Variants in ADGRL3 observed in about 807,000 individuals in gnomAD.
ADGRL3 encodes the protein calcium-independent alpha-latrotoxin receptor 3.
Under a neutral mutation model 153.5 loss-of-function variants are expected in ADGRL3, and 62 were observed. That is an observed-to-expected ratio of 0.40 (90% CI 0.33 to 0.50). The LOEUF (loss-of-function observed/expected upper bound fraction) is 0.50. Ranked by LOEUF, ADGRL3 falls within the 20% of genes least tolerant of loss-of-function variation. ADGRL3 has a pLI of 0.47. For synonymous variants in ADGRL3, 710 were observed against 672.5 expected, an observed-to-expected ratio of 1.06 and a Z score of -0.86; for missense variants, 1,641 against 1,859.4, an observed-to-expected ratio of 0.88 and a Z score of 2.16.
At chr4:61,597,484 A>G (rs2098993738) in intron 5 of ADGRL3, among the ~76,000 whole-genome samples, 1 of 152,112 alleles carries the variant, frequency 6.6e-6, no homozygotes, top group South Asian at 2.1e-4. Flanking sequence ...ATTACATATT[A>G]ATGTTCTCCT....
chr4:61,892,487 TGG>T (rs2098595854), intron 9 of ADGRL3, among the ~76,000 whole-genome samples, 167 bp from the exon 10 acceptor site: 1 of 152,162 alleles, frequency 6.6e-6, no homozygotes, highest in Admixed American at 6.5e-5. Flanking sequence ...CCTGATACCT[TGG>T]TATTGGCTTA....
At chr4:61,937,417 A>G (rs1431383324) in intron 15 of ADGRL3, among the ~76,000 whole-genome samples, 1 of 138,858 alleles carries the variant, frequency 7.2e-6, no homozygotes. Context: ...TTTTTTTTGC[A>G]TTTTTTTAAA....
intron 1 of ADGRL3, among the ~76,000 whole-genome samples, chr4:61,382,166 G>C (rs925531221): frequency 6.6e-6 from 1 of 151,742 alleles, no homozygotes; most frequent in South Asian, 2.1e-4. Context: ...TTCTAGAATA[G>C]ATAATGGATT....
chr4:61,704,284 G>A (rs111940235), intron 6 of ADGRL3, among the ~76,000 whole-genome samples: 33 of 152,060 alleles, frequency 2.2e-4, no homozygotes, highest in African/African-American at 7.5e-4. Context: ...AGATATTGCT[G>A]GTTTAGTTCC....
intron 4 of ADGRL3, among the ~76,000 whole-genome samples, chr4:61,581,438 A>C (rs1474008299): frequency 2.0e-5 from 3 of 152,066 alleles, no homozygotes; most frequent in Admixed American, 6.6e-5. Context: ...TAGAATCAAA[A>C]TGCGCATGCC....
chr4:61,361,596 G>A (rs550797226), intron 1 of ADGRL3, among the ~76,000 whole-genome samples: 14 of 152,216 alleles, frequency 9.2e-5, no homozygotes, highest in African/African-American at 2.4e-4. Context: ...CCACTTTCAC[G>A]ATATTGTGAA....
At chr4:61,581,148 G>A (rs546864923) in intron 4 of ADGRL3, among the ~76,000 whole-genome samples, 1 of 152,152 alleles carries the variant, frequency 6.6e-6, no homozygotes, top group East Asian at 1.9e-4. Flanking sequence ...AGAATAGACA[G>A]TACACCCTGA....
intron 4 of ADGRL3, among the ~76,000 whole-genome samples, chr4:61,550,925 A>C (rs935024093): frequency 6.6e-6 from 1 of 152,126 alleles, no homozygotes; most frequent in Admixed American, 6.6e-5. Context: ...TAATTCCTAC[A>C]TATCTCACTA....
At chr4:61,230,955 G>C (rs567916589) in intron 1 of ADGRL3, among the ~76,000 whole-genome samples, 1 of 152,138 alleles carries the variant, frequency 6.6e-6, no homozygotes, top group Non-Finnish European at 1.5e-5. Flanking sequence ...TTTTTGTCCC[G>C]TGCAAGCATC....
At chr4:61,615,566 G>T (rs528646505) in intron 5 of ADGRL3, among the ~76,000 whole-genome samples, 1 of 131,002 alleles carries the variant, frequency 7.6e-6, no homozygotes, top group East Asian at 2.4e-4. Context: ...TTTATACGTC[G>T]GTTGGAATAT....
At chr4:61,212,717 T>C (rs2148879092) in intron 1 of ADGRL3, among the ~76,000 whole-genome samples, 1 of 152,300 alleles carries the variant, frequency 6.6e-6, no homozygotes, top group Non-Finnish European at 1.5e-5. Context: ...CATATGAAGA[T>C]AATTTGGAAG....
chr4:61,892,942 C>T lies in ADGRL3; in HGVS notation c.1767C>T (p.Cys589=). 6.5e-7 allele frequency: 1 copy of T among 1,530,412 alleles called. No homozygotes were observed. Among genetic ancestry groups the T allele is most frequent in the South Asian group, 1.3e-5 (1 of 75,928 alleles). The allele number at this position is 1,530,412 out of a possible 1,614,324, so 94.8% of individuals were successfully genotyped here. ...AAGGACAGATAGCAAAGCAGCCATG[C>T]CCTGCAGGAACTATAGGTAAGTCTG... The part of the protein sequence containing the change: ...TRQGQIAKQP[C]PAGTIGVSTY... Residue 589 remains cysteine, a synonymous_variant, in exon 10 of 27, where the codon TGC becomes TGT. Coordinates refer to ENST00000683033, the MANE Select transcript of ADGRL3 (RefSeq NM_001387552.1).
chr4:61,503,155 A>G lies in ADGRL3; in HGVS notation c.55+5807A>G, dbSNP rs2098403445. On this transcript the variant is annotated intron_variant, in intron 3 of 26. Transcript: ENST00000683033. The stretch of plus-strand genomic sequence containing the variant: ...GGCTGATAGCTTTACTTTATGTGTA[A>G]GAATTTGTTTAGAAACTTCCCCAAA... 2.6e-5 allele frequency among the ~76,000 whole-genome samples: 4 copies of G among 152,200 alleles called. No individual in the cohort carries two copies. In the South Asian group the frequency reaches 8.3e-4, roughly 31 times the overall value.
intron 1 of ADGRL3, among the ~76,000 whole-genome samples, chr4:61,324,751 G>A (rs2095431877): frequency 6.6e-6 from 1 of 152,082 alleles, no homozygotes; most frequent in South Asian, 2.1e-4. Flanking sequence ...GCAATTTTTA[G>A]ATTTAAGATT....
chr4:61,465,541 GA>G (rs962803928), intron 2 of ADGRL3, among the ~76,000 whole-genome samples: 1 of 150,816 alleles, frequency 6.6e-6, no homozygotes, highest in Non-Finnish European at 1.5e-5. Context: ...TTTACCAAAA[GA>G]AAAAAATATA....
intron 6 of ADGRL3, among the ~76,000 whole-genome samples, chr4:61,682,174 C>CT (rs2095350806): frequency 6.6e-6 from 1 of 151,822 alleles, no homozygotes; most frequent in Admixed American, 6.6e-5. Flanking sequence ...TACCAGCAAC[C>CT]TTTTTTCATA....
chr4:61,552,388 A>C (rs993433652), intron 4 of ADGRL3, among the ~76,000 whole-genome samples: 6 of 152,208 alleles, frequency 3.9e-5, no homozygotes, highest in Admixed American at 3.9e-4. Context: ...CTGGGTGAGT[A>C]CCACAAAACA....
intron 5 of ADGRL3, among the ~76,000 whole-genome samples, chr4:61,659,883 T>G: frequency 1.2e-5 from 1 of 80,458 alleles, no homozygotes. Flanking sequence ...GTCATGAAAA[T>G]CAAGTGAAGA....
intron 1 of ADGRL3, among the ~76,000 whole-genome samples, chr4:61,259,534 G>T (rs1469549680): frequency 6.6e-6 from 1 of 151,984 alleles, no homozygotes; most frequent in Non-Finnish European, 1.5e-5. Flanking sequence ...CTAATTCTAA[G>T]CAAACTCAAC....
Sources: allele counts gnomAD v4.1 joint callset (sites outside exome capture counted in the v4.1 genomes callset), GRCh38; gene constraint gnomAD v4.1.1; transcripts MANE v1.5; gene names NCBI Gene and HGNC (gene_info 2026-07-23, HGNC 2026-07-21).